ROCK1: variants seen among roughly 807,000 people sequenced by gnomAD.
The protein encoded by ROCK1 is Rho associated coiled-coil containing protein kinase 1.
In ROCK1, 36 loss-of-function variants were observed where a neutral mutation model predicts 196.8. The observed-to-expected ratio is 0.18, with a 90% confidence interval of 0.14 to 0.24. The LOEUF is 0.24. ROCK1 is among the 10% of genes least tolerant of loss of function. ROCK1 has a pLI of 1.00. For missense variants in ROCK1, 920 were observed against 1,562.0 expected (o/e 0.59, Z 6.93); for synonymous variants, 443 against 515.9 (o/e 0.86, Z 1.91).
intron 16 of ROCK1, among the ~76,000 whole-genome samples, chr18:21,003,996 A>C (rs2035748218): frequency 6.6e-6 from 1 of 152,168 alleles, no homozygotes; most frequent in African/African-American, 2.4e-5. Context: ...AGATAAACTT[A>C]CTAGATGAAA....
rs150183822 is a variant in ROCK1 at position 21,033,378 on chromosome 18, T to C, written c.1052-4443A>G. Among the ~76,000 whole-genome samples, 594 of 152,244 alleles carry C rather than the reference T, an allele frequency of 3.9e-3. 1 individual carries two copies. Among genetic ancestry groups the C allele is most frequent in the Non-Finnish European group, 5.6e-3 (383 of 68,012 alleles). On this transcript the variant is annotated intron_variant, in intron 9 of 32. Coordinates refer to ENST00000399799, the MANE Select transcript of ROCK1 (RefSeq NM_005406.3). ...AATGAAAATCCCACAGCTAACATTA[T>C]ATTCAGCGGTGAAAGACTAAAAGCT...
chr18:21,086,599 G>A (rs2036530180), intron 1 of ROCK1, among the ~76,000 whole-genome samples: 1 of 151,858 alleles, frequency 6.6e-6, no homozygotes, highest in Non-Finnish European at 1.5e-5. Context: ...AAATAGAATG[G>A]GGCTAAAAGG....
At chr18:21,016,011 C>T (rs1170855825) in intron 12 of ROCK1, among the ~76,000 whole-genome samples, 1 of 150,586 alleles carries the variant, frequency 6.6e-6, no homozygotes, top group East Asian at 1.9e-4. Flanking sequence ...TATATTGAAA[C>T]ACAGTAATAA....
intron 16 of ROCK1, among the ~76,000 whole-genome samples, chr18:20,995,846 G>A (rs547987474): frequency 4.6e-4 from 70 of 152,240 alleles, no homozygotes; most frequent in African/African-American, 1.6e-3. Flanking sequence ...ACTGGGCTTC[G>A]GATGCCTCCT....
In ROCK1 at chr18:21,043,478, ACAGCTCCTT is replaced by A. The variant is rs1266362666; in HGVS notation, c.675+615_675+623del. Among the ~76,000 whole-genome samples, 170 of 151,182 alleles carry A rather than the reference ACAGCTCCTT, an allele frequency of 1.1e-3. No homozygotes were observed. In the Middle Eastern group the frequency reaches 0.014, roughly 13 times the overall value. On this transcript the variant is annotated intron_variant, in intron 6 of 32. Transcript: ENST00000399799. ...TATGAAGTGAAGGAATAACATATAC[ACAGCTCCTT>A]CAGCTCCTTCAGCTGTGTATATGTT...
At chr18:21,010,026 AC>A (rs1485082015) in intron 13 of ROCK1, among the ~76,000 whole-genome samples, 6 of 152,098 alleles carry the variant, frequency 3.9e-5, no homozygotes, top group Non-Finnish European at 8.8e-5. Context: ...TTCTTTTGAT[AC>A]CTATATGGTC....
chr18:21,006,987 G>C (rs1482034737), intron 14 of ROCK1, among the ~76,000 whole-genome samples, 197 bp from the exon 15 acceptor site: 1 of 152,014 alleles, frequency 6.6e-6, no homozygotes, highest in Non-Finnish European at 1.5e-5. Context: ...TTCTAATACA[G>C]AGTGCAAAAA....
intron 1 of ROCK1, among the ~76,000 whole-genome samples, chr18:21,108,036 C>G (rs1386677125): frequency 6.6e-6 from 1 of 151,250 alleles, no homozygotes; most frequent in Non-Finnish European, 1.5e-5. Flanking sequence ...GCCTGGGCAA[C>G]AGAGTGAGAT....
Position 20,965,235 on chromosome 18 carries a change from A to T in ROCK1, c.3352+1682T>A, listed in dbSNP as rs572415701. ...TGAAATCCCGTCTCTACAAAAAATTAAAAAAATTAGCCGGGTGTGGTGATG... is the reference window on the plus strand; with the variant it reads ...TGAAATCCCGTCTCTACAAAAAATTTAAAAAATTAGCCGGGTGTGGTGATG... On this transcript the variant is annotated intron_variant, in intron 27 of 32. Coordinates refer to ENST00000399799, the MANE Select transcript of ROCK1 (RefSeq NM_005406.3). Among the ~76,000 whole-genome samples, 41 of 152,102 alleles carry T rather than the reference A, an allele frequency of 2.7e-4. 1 individual carries two copies. In the South Asian group the frequency reaches 2.7e-3, roughly 10 times the overall value.
intron 29 of ROCK1, 116 bp from the exon 30 acceptor site, chr18:20,955,361 A>G (rs2035231747): frequency 1.1e-6 from 1 of 929,276 alleles, no homozygotes; most frequent in African/African-American, 1.7e-5. Context: ...CAACATCATC[A>G]GTCATTAGAG....
intron 18 of ROCK1, among the ~76,000 whole-genome samples, chr18:20,989,486 T>G (rs1347176549): frequency 6.6e-6 from 1 of 152,214 alleles, no homozygotes; most frequent in African/African-American, 2.4e-5. Flanking sequence ...AAAAGACTTT[T>G]AGAAGTTTGG....
intron 23 of ROCK1, chr18:20,969,442 G>T: frequency 3.2e-6 from 1 of 316,632 alleles, no homozygotes; most frequent in Non-Finnish European, 5.7e-6. Context: ...ACAAAAGGGG[G>T]GCATATGTAA....
At chr18:20,964,642 G>C (rs2035355950) in intron 27 of ROCK1, among the ~76,000 whole-genome samples, 1 of 152,166 alleles carries the variant, frequency 6.6e-6, no homozygotes, top group African/African-American at 2.4e-5. Flanking sequence ...ATGGCTACCA[G>C]TACTCCCCGC....
At chr18:21,026,444 C>CGA (rs1555750408) in intron 10 of ROCK1, among the ~76,000 whole-genome samples, 10 of 77,250 alleles carry the variant, frequency 1.3e-4, no homozygotes, top group African/African-American at 6.6e-4. Flanking sequence ...AACTCTGTCT[C>CGA]GAAAAAAAAA....
intron 16 of ROCK1, among the ~76,000 whole-genome samples, chr18:21,004,282 C>T (rs538984462): frequency 7.9e-5 from 12 of 152,232 alleles, no homozygotes; most frequent in Middle Eastern, 3.4e-3. Context: ...TAATGAATAA[C>T]AATCAAGACT....
intron 1 of ROCK1, among the ~76,000 whole-genome samples, chr18:21,082,945 C>CCAAAA (rs1416166668): frequency 1.6e-4 from 24 of 152,178 alleles, no homozygotes; most frequent in Non-Finnish European, 2.5e-4. Context: ...TACACACACA[C>CCAAAA]CAAAACAAAA....
intron 2 of ROCK1, among the ~76,000 whole-genome samples, chr18:21,059,172 T>C (rs987225925): frequency 6.6e-6 from 1 of 152,234 alleles, no homozygotes; most frequent in African/African-American, 2.4e-5. Context: ...CAATGCCTAG[T>C]TATTTGCAAT....
chr18:21,016,580 T>C (rs1023178812), intron 12 of ROCK1, among the ~76,000 whole-genome samples: 1 of 152,208 alleles, frequency 6.6e-6, no homozygotes, highest in Non-Finnish European at 1.5e-5. Context: ...CATTTTCACG[T>C]GGATGTCTCA....
At chr18:21,085,857 A>G (rs1295240511) in intron 1 of ROCK1, among the ~76,000 whole-genome samples, 1 of 152,188 alleles carries the variant, frequency 6.6e-6, no homozygotes, top group Admixed American at 6.5e-5. Context: ...ATTTATCCAA[A>G]TGAGTCACAA....
Sources: gnomAD v4.1 joint callset for allele counts (sites outside exome capture counted in the v4.1 genomes callset) on GRCh38, gnomAD v4.1.1 for gene constraint, MANE v1.5 for transcripts, NCBI Gene and HGNC (gene_info 2026-07-23, HGNC 2026-07-21) for gene names.